Variants in GALNT13 observed in about 807,000 individuals in gnomAD.
GALNT13 encodes the protein polypeptide N-acetylgalactosaminyltransferase 13, also known as UDP-GalNAc:polypeptide N-acetylgalactosaminyltransferase 13.
A neutral mutation model predicts 64.2 loss-of-function variants in GALNT13; 28 were observed. The observed-to-expected ratio is 0.44, with a 90% CI of 0.32 to 0.60. The LOEUF is 0.60. Among genes scored for constraint, GALNT13 ranks in the 20% least tolerant of loss-of-function variants. GALNT13 has a pLI of 0.05. For synonymous variants in GALNT13, 214 were observed against 224.6 expected (o/e 0.95, Z 0.42); for missense variants, 577 against 669.8 (o/e 0.86, Z 1.53).
At chr2:154,249,808 T>C (rs1487332243) in intron 7 of GALNT13, among the ~76,000 whole-genome samples, 1 of 152,130 alleles carries the variant, frequency 6.6e-6, no homozygotes, top group Non-Finnish European at 1.5e-5. Flanking sequence ...TTCAGACCTA[T>C]TTTACCTAAT....
At chr2:153,719,579 A>G in the GALNT13 span, among the ~76,000 whole-genome samples, 2 of 152,170 alleles carry the variant, frequency 1.3e-5, no homozygotes, top group Non-Finnish European at 2.9e-5. Context: ...AGTGCCAGAC[A>G]GTGGGCGCAG....
rs545501864 is a variant in GALNT13, at chr2:154,026,089, T to A, written c.142+81450T>A. On this transcript the variant is annotated intron_variant, in intron 3 of 12. Coordinates refer to ENST00000392825, the MANE Select transcript of GALNT13 (RefSeq NM_052917.4). ...TAGTAGATTTGCATTTTTTAAATGA[T>A]TATATAACAGTAGAAGATTTATTTC... Among the ~76,000 whole-genome samples the A allele has an allele frequency of 6.6e-5, 10 of 152,146 alleles. No individual in the cohort carries two copies. In the East Asian group the frequency reaches 1.9e-3, roughly 29 times the overall value.
intron 1 of GALNT13, among the ~76,000 whole-genome samples, chr2:153,879,701 C>A (rs1277908318): frequency 6.6e-6 from 1 of 151,958 alleles, no homozygotes; most frequent in Non-Finnish European, 1.5e-5. Context: ...CTTGAAGTAG[C>A]AGAATTGAAA....
At chr2:153,803,713 A>C in the GALNT13 span, among the ~76,000 whole-genome samples, 58,484 of 143,114 alleles carry the variant, frequency 0.41, 13,252 homozygotes, top group Admixed American at 0.57. Context: ...AAAAAAGAAA[A>C]AGAAAAAAGA....
intron 3 of GALNT13, among the ~76,000 whole-genome samples, chr2:153,957,258 G>A (rs79339921): frequency 0.018 from 2,699 of 152,290 alleles, 36 homozygotes; most frequent in Non-Finnish European, 0.026. Flanking sequence ...CAATAGGTTT[G>A]AAAACAGGAA....
chr2:153,729,402 G>A, the GALNT13 span, among the ~76,000 whole-genome samples: 54 of 151,948 alleles, frequency 3.6e-4, no homozygotes, highest in Admixed American at 3.5e-3. Flanking sequence ...TTTTAATATA[G>A]TTTAATTTAT....
intron 4 of GALNT13, among the ~76,000 whole-genome samples, chr2:154,150,056 C>T (rs1054977425): frequency 4.6e-5 from 7 of 152,146 alleles, no homozygotes; most frequent in Admixed American, 1.3e-4. Flanking sequence ...ATGATATTCG[C>T]TGTGGGTTTG....
intron 2 of GALNT13, among the ~76,000 whole-genome samples, chr2:153,930,106 C>T (rs777028875): frequency 2.6e-5 from 4 of 152,076 alleles, no homozygotes; most frequent in African/African-American, 4.8e-5. Flanking sequence ...TGACGTTTAT[C>T]GTTTTTCCTT....
rs569835998 is a variant in GALNT13, at chr2:154,064,139, C to A, written c.143-76198C>A. On this transcript the variant is annotated intron_variant, in intron 3 of 12. Transcript: ENST00000392825. ...AGCACTTCCCTGTCACAACAGAAAG[C>A]AAAAACTTGTAGAACTTAGCCGACA... Among the ~76,000 whole-genome samples the A allele has an allele frequency of 1.1e-4, 17 of 152,228 alleles. No homozygotes were observed. In the South Asian group the frequency reaches 3.5e-3, roughly 32 times the overall value.
chr2:154,147,583 G>A (rs943618275), intron 4 of GALNT13, among the ~76,000 whole-genome samples: 5 of 151,850 alleles, frequency 3.3e-5, no homozygotes, highest in Admixed American at 1.3e-4. Context: ...GTTCTGGTTA[G>A]AGGAGGGCCA....
At chr2:153,794,620 A>G in the GALNT13 span, among the ~76,000 whole-genome samples, 2 of 151,878 alleles carry the variant, frequency 1.3e-5, no homozygotes, top group Non-Finnish European at 2.9e-5. Context: ...TCCCAGGTTC[A>G]ATCGATTCTC....
chr2:154,147,056 T>G (rs1051964587), intron 4 of GALNT13, among the ~76,000 whole-genome samples: 2 of 152,110 alleles, frequency 1.3e-5, no homozygotes, highest in East Asian at 3.9e-4. Context: ...AACCTAAGAA[T>G]GTAGAGGAAA....
At chr2:153,211,257 C>T in the GALNT13 span, among the ~76,000 whole-genome samples, 1 of 151,882 alleles carries the variant, frequency 6.6e-6, no homozygotes, top group Admixed American at 6.6e-5. Context: ...ATTCTCCTGC[C>T]TCAGCCTCCC....
At chr2:154,273,738 T>C (rs1235418545) in intron 8 of GALNT13, among the ~76,000 whole-genome samples, 9 of 152,164 alleles carry the variant, frequency 5.9e-5, no homozygotes, top group Non-Finnish European at 1.2e-4. Context: ...ATAAGAACAT[T>C]CTGTAATGTT....
chr2:154,022,878 A>G (rs568179857), intron 3 of GALNT13, among the ~76,000 whole-genome samples: 1 of 152,182 alleles, frequency 6.6e-6, no homozygotes, highest in Non-Finnish European at 1.5e-5. Context: ...TGTGTCCTGG[A>G]GATTCTGGTG....
chr2:154,338,568 G>A (rs1695581533), intron 9 of GALNT13, among the ~76,000 whole-genome samples: 1 of 152,050 alleles, frequency 6.6e-6, no homozygotes, highest in Non-Finnish European at 1.5e-5. Context: ...AGGGCCACAT[G>A]AGGCAGCCCC....
At chr2:153,840,489 T>A in the GALNT13 span, among the ~76,000 whole-genome samples, 7 of 152,126 alleles carry the variant, frequency 4.6e-5, no homozygotes, top group Non-Finnish European at 8.8e-5. Flanking sequence ...AAATGTTGAC[T>A]AATAAACCAC....
At chr2:153,580,214 A>C in the GALNT13 span, among the ~76,000 whole-genome samples, 95 of 152,280 alleles carry the variant, frequency 6.2e-4, no homozygotes, top group African/African-American at 2.1e-3. Context: ...GTTTTTCTCC[A>C]AAGTAACGAA....
At chr2:153,275,743 G>GT in the GALNT13 span, among the ~76,000 whole-genome samples, 6 of 151,912 alleles carry the variant, frequency 3.9e-5, no homozygotes, top group South Asian at 2.1e-4. Flanking sequence ...GTTTGTTCTA[G>GT]TTTTTTTGCC....
Sources: allele counts gnomAD v4.1 joint callset (sites outside exome capture counted in the v4.1 genomes callset), GRCh38; gene constraint gnomAD v4.1.1; transcripts MANE v1.5; gene names NCBI Gene and HGNC (gene_info 2026-07-23, HGNC 2026-07-21).